The following ZBTB46 variants were observed in gnomAD, a reference collection of about 807,000 sequenced individuals.
The protein encoded by ZBTB46 is zinc finger and BTB domain containing 46, also known as zinc finger and BTB domain-containing protein 46.
Under a neutral mutation model 44.1 loss-of-function variants are expected in ZBTB46, and 8 were observed. The observed-to-expected ratio is 0.18, with a 90% CI of 0.11 to 0.33. The LOEUF is 0.33. Among genes scored for constraint, ZBTB46 ranks in the 10% least tolerant of loss-of-function variants. The pLI is 1.00. For synonymous variants in ZBTB46, 409 were observed against 382.3 expected (o/e 1.07, Z -0.81); for missense variants, 651 against 847.7 (o/e 0.77, Z 2.88).
At position 63,790,174 on chromosome 20, in the gene ZBTB46, C is replaced by A; in HGVS notation, c.584G>T (p.Ser195Ile). The A allele has an allele frequency of 6.2e-7, 1 of 1,613,790 alleles. No homozygotes were observed. The highest frequency in any genetic ancestry group is 8.5e-7 in the Non-Finnish European group (1 of 1,179,988). The change falls in exon 2 of 5, where the codon AGC becomes ATC. Residue 195 changes from serine (S) to isoleucine (I), a missense_variant. This residue lies in a region of ZBTB46 where 385 missense variants were observed against 423.3 expected (regional missense o/e 0.91). Transcript: ENST00000245663. ...GGGCTCCTGATCCTCTTTCCCGTAG[C>A]TGCTCCCTCCGTCGTGACAGCTGGC... is the stretch of plus-strand genomic sequence containing the variant. ...AIASCHDGGS[S>I]YGKEDQEPKA... is the part of the protein sequence containing the mutation.
At chr20:63,757,044 G>A (rs527595285) in intron 3 of ZBTB46, among the ~76,000 whole-genome samples, 2 of 152,272 alleles carry the variant, frequency 1.3e-5, no homozygotes, top group African/African-American at 4.8e-5. Flanking sequence ...CTTGGCTTCC[G>A]CAGATATTGC....
At chr20:63,788,775 G>A (rs958690952) in intron 2 of ZBTB46, among the ~76,000 whole-genome samples, 1 of 151,726 alleles carries the variant, frequency 6.6e-6, no homozygotes, top group East Asian at 2.0e-4. Context: ...GGAGACAGAG[G>A]TTGCAGTGAG....
chr20:63,807,999 A>C (rs2092692492), intron 1 of ZBTB46: 1 of 150,240 alleles, frequency 6.7e-6, no homozygotes, highest in Admixed American at 6.6e-5. Flanking sequence ...CACAGGGGAC[A>C]CTCACGGAAG....
chr20:63,769,183 A>G, intron 3 of ZBTB46: 2 of 984,628 alleles, frequency 2.0e-6, no homozygotes, highest in Non-Finnish European at 2.4e-6. Flanking sequence ...CATGGGTGTC[A>G]GGGACACCAT....
chr20:63,753,481 T>G (rs1190379095), intron 3 of ZBTB46, among the ~76,000 whole-genome samples: 1 of 152,170 alleles, frequency 6.6e-6, no homozygotes, highest in Non-Finnish European at 1.5e-5. Context: ...ATCTCCATGG[T>G]GCGTGCCCTG....
chr20:63,799,756 C>T (rs760062923), intron 1 of ZBTB46, among the ~76,000 whole-genome samples: 11 of 152,140 alleles, frequency 7.2e-5, no homozygotes, highest in Admixed American at 3.3e-4. Context: ...CGGGGAAGTG[C>T]GCCCGGAACC....
chr20:63,761,627 C>G (rs774573269), intron 3 of ZBTB46, among the ~76,000 whole-genome samples: 1 of 151,854 alleles, frequency 6.6e-6, no homozygotes. Context: ...ACTAAAAATA[C>G]AAAAATTATC....
At chr20:63,757,067 G>T (rs866267422) in intron 3 of ZBTB46, among the ~76,000 whole-genome samples, 3 of 152,180 alleles carry the variant, frequency 2.0e-5, no homozygotes, top group African/African-American at 7.2e-5. Context: ...ATTTTCCAAA[G>T]ATTTATGATT....
intron 3 of ZBTB46, among the ~76,000 whole-genome samples, chr20:63,755,481 TAGA>T (rs935007014): frequency 5.9e-5 from 9 of 152,210 alleles, no homozygotes; most frequent in African/African-American, 1.9e-4. Flanking sequence ...CCTCTTCTCT[TAGA>T]AGGACACTTG....
intron 1 of ZBTB46, among the ~76,000 whole-genome samples, chr20:63,796,094 G>A (rs1330319908): frequency 6.6e-6 from 1 of 152,260 alleles, no homozygotes; most frequent in Non-Finnish European, 1.5e-5. Flanking sequence ...AGACCGCGAT[G>A]AATATACTCC....
In ZBTB46 at chr20:63,747,145, C is replaced by G; in HGVS notation, c.1555G>C (p.Gly519Arg). The G allele has an allele frequency of 6.2e-7, 1 of 1,610,074 alleles. No homozygotes were observed. Among genetic ancestry groups the G allele is most frequent in the Non-Finnish European group, 8.5e-7 (1 of 1,178,910 alleles). ...AGCGCCTCTGGAGAGCCCTCGCCGC[C>G]TCCGCCGCCATGGTCCAGGGGCCCG... is the stretch of plus-strand genomic sequence containing the variant. Reference protein sequence around the residue: ...MAGPLDHGGGGGEGSPEALFP... With the variant: ...MAGPLDHGGGRGEGSPEALFP... The change falls in exon 5 of 5, where the codon GGC becomes CGC. Residue 519 changes from glycine to arginine, a missense_variant. Transcript: ENST00000245663.
Position 63,746,966 on chromosome 20 carries a change from T to TG in ZBTB46, c.1733dup (p.Gly579ArgfsTer4). On this transcript the variant is annotated frameshift_variant, in exon 5 of 5. Transcript: ENST00000245663. LOFTEE classifies it high-confidence loss of function. ...AGGCGAAGTCCTTGTCAGGGCCTCC[T>TG]GGGGGGCTGCGCGGCCGCGGCGAGT... 5 of 1,596,068 alleles carry TG rather than the reference T, an allele frequency of 3.1e-6. No individual in the cohort carries two copies. The highest frequency in any genetic ancestry group is 3.4e-6 in the Non-Finnish European group (4 of 1,174,784).
chr20:63,828,842 G>A (rs777232388), intron 1 of ZBTB46, among the ~76,000 whole-genome samples: 4 of 152,234 alleles, frequency 2.6e-5, no homozygotes, highest in Non-Finnish European at 4.4e-5. Context: ...CACCGTGCAC[G>A]AAGTGGGTCT....
intron 1 of ZBTB46, among the ~76,000 whole-genome samples, chr20:63,829,076 A>G (rs2146113193): frequency 6.6e-6 from 1 of 152,272 alleles, no homozygotes; most frequent in East Asian, 1.9e-4. Context: ...CCCCCACGGC[A>G]TTTCCTCTAA....
chr20:63,800,670 T>A (rs11905140), intron 1 of ZBTB46, among the ~76,000 whole-genome samples: 1 of 152,016 alleles, frequency 6.6e-6, no homozygotes, highest in African/African-American at 2.4e-5. Context: ...CCCAGGGCAA[T>A]GAGGGGCTTA....
chr20:63,772,368 T>A (rs778577138), intron 3 of ZBTB46, among the ~76,000 whole-genome samples: 2 of 151,960 alleles, frequency 1.3e-5, no homozygotes, highest in Non-Finnish European at 2.9e-5. Flanking sequence ...TTAAGAGAAA[T>A]AACAAAAGAC....
chr20:63,746,909 C>T lies in ZBTB46; in HGVS notation c.*21G>A, dbSNP rs372238188. 1.9e-4 allele frequency: 293 copies of T among 1,504,880 alleles called. 4 individuals carry two copies. In the South Asian group the frequency reaches 2.2e-3, roughly 11 times the overall value. The allele number at this position is 1,504,880 out of a possible 1,614,324, so 93.2% of individuals were successfully genotyped here. ...CGGGTGGACGGAGCGAGGCAGCCAC[C>T]GACCCTGCCGGCGGGCGGGCCTAGG... On this transcript the variant is annotated 3_prime_UTR_variant, in exon 5 of 5. Transcript: ENST00000245663.
chr20:63,755,447 G>C (rs560665464), intron 3 of ZBTB46, among the ~76,000 whole-genome samples: 29 of 152,332 alleles, frequency 1.9e-4, no homozygotes, highest in African/African-American at 7.0e-4. Context: ...CATCTGTGTG[G>C]CCTTTTCTCT....
chr20:63,796,330 C>T (rs544769590), intron 1 of ZBTB46, among the ~76,000 whole-genome samples: 3 of 152,220 alleles, frequency 2.0e-5, no homozygotes, highest in Non-Finnish European at 4.4e-5. Flanking sequence ...CTGCTGGCAG[C>T]GCCTGGCACG....
Sources: allele counts gnomAD v4.1 joint callset (sites outside exome capture counted in the v4.1 genomes callset), GRCh38; gene constraint gnomAD v4.1.1; regional missense constraint gnomAD v4.1.1; transcripts MANE v1.5; gene names NCBI Gene and HGNC (gene_info 2026-07-23, HGNC 2026-07-21).